The following ASS1 variants were observed in gnomAD, a reference collection of about 807,000 sequenced individuals.
ASS1 encodes the protein argininosuccinate synthase 1, also known as argininosuccinate synthase.
In ASS1, 58 loss-of-function variants were observed where a neutral mutation model predicts 60.5. That is an observed-to-expected ratio of 0.96 (90% CI 0.78 to 1.19). The LOEUF is 1.19. ASS1 is among the 50% of genes most tolerant of loss of function. The pLI, the probability that ASS1 is intolerant of heterozygous loss-of-function variation, is 0.00. For synonymous variants in ASS1, 200 were observed against 206.9 expected (o/e 0.97, Z 0.29); for missense variants, 454 against 547.3 (o/e 0.83, Z 1.70).
At chr9:130,483,605 C>T (rs566946292) in intron 11 of ASS1, among the ~76,000 whole-genome samples, 18 of 151,838 alleles carry the variant, frequency 1.2e-4, no homozygotes, top group Non-Finnish European at 2.5e-4. Context: ...CGAGGGAGGC[C>T]GGGAAGGAGC....
At chr9:130,454,153 C>A in intron 2 of ASS1, 152 bp from the exon 3 acceptor site, 1 of 809,548 alleles carries the variant, frequency 1.2e-6, no homozygotes, top group Non-Finnish European at 2.1e-6. Flanking sequence ...CTCTCCAGGC[C>A]TTGGGCTTTG....
intron 11 of ASS1, among the ~76,000 whole-genome samples, chr9:130,484,722 T>C (rs1244773485): frequency 6.6e-6 from 1 of 151,884 alleles, no homozygotes; most frequent in Non-Finnish European, 1.5e-5. Flanking sequence ...TGTCACTGTT[T>C]TTTTTTTCCA....
At chr9:130,487,758 T>A (rs1588502337) in intron 11 of ASS1, among the ~76,000 whole-genome samples, 2 of 23,214 alleles carry the variant, frequency 8.6e-5, no homozygotes, top group Admixed American at 2.6e-3. Flanking sequence ...ATTTCCTTCC[T>A]TTTTTTTTTT....
intron 2 of ASS1, 100 bp downstream of exon 2, chr9:130,452,433 C>A: frequency 9.7e-7 from 1 of 1,034,004 alleles, no homozygotes; most frequent in Non-Finnish European, 1.5e-6. Flanking sequence ...TGTCTGCTCA[C>A]CGTCACTCAT....
chr9:130,501,084 ATTG>A lies in ASS1; in HGVS notation c.*68_*70del, dbSNP rs550067703. 1.1e-4 allele frequency: 173 copies of A among 1,515,322 alleles called. No homozygotes were observed. The South Asian group carries it at 1.7e-3, about 15-fold the overall frequency. The allele number at this position is 1,515,322 out of a possible 1,614,324, so 93.9% of individuals were successfully genotyped here. ...GCAGATCCCCCAAGTACAGGCGCTAATTGTTGTGATAATTTGTAATTGTGACTT... is the reference window on the plus strand; with the variant it reads ...GCAGATCCCCCAAGTACAGGCGCTAATTGTGATAATTTGTAATTGTGACTT... On this transcript the variant is annotated 3_prime_UTR_variant, in exon 15 of 15. Coordinates refer to ENST00000352480, the MANE Select transcript of ASS1 (RefSeq NM_054012.4).
rs1846010646 is a variant in ASS1 at position 130,476,109 on chromosome 9, C to G, written c.598-762C>G. ...TGAGACAGCAGTTCCTGGATGTCAG[C>G]AGGTGAACAAGGACCCCAGGCACAG... On this transcript the variant is annotated intron_variant, in intron 8 of 14. Transcript: ENST00000352480. This position sits in a 1 kb window ranked among gnomAD's most constrained non-coding sequence, Gnocchi z 4.9. 6.6e-6 allele frequency among the ~76,000 whole-genome samples: 1 copy of G among 152,134 alleles called. No homozygotes were observed. The highest frequency in any genetic ancestry group is 6.5e-5 in the Admixed American group (1 of 15,286).
intron 12 of ASS1, among the ~76,000 whole-genome samples, chr9:130,490,135 C>T (rs1270973211): frequency 6.6e-6 from 1 of 152,224 alleles, no homozygotes; most frequent in South Asian, 2.1e-4. Context: ...CCCCGTTTTG[C>T]AGGTGAGGAG....
chr9:130,475,896 A>C (rs970530268), intron 8 of ASS1, among the ~76,000 whole-genome samples: 1 of 152,038 alleles, frequency 6.6e-6, no homozygotes, highest in Admixed American at 6.5e-5. Flanking sequence ...AGCTGGGACT[A>C]CAGGCGCATG....
chr9:130,474,906 A>T (rs1845977714), intron 8 of ASS1, among the ~76,000 whole-genome samples: 1 of 152,094 alleles, frequency 6.6e-6, no homozygotes, highest in Admixed American at 6.5e-5. Context: ...GGCCCCTCCT[A>T]CCTCCTGGAG....
In ASS1 at chr9:130,449,414, G is replaced by T. The variant is rs577421382; in HGVS notation, c.-5-2810G>T. Among the ~76,000 whole-genome samples the T allele has an allele frequency of 9.9e-5, 15 of 151,862 alleles. No homozygotes were observed. In the South Asian group the frequency reaches 3.1e-3, roughly 32 times the overall value. On this transcript the variant is annotated intron_variant, in intron 1 of 14. Coordinates refer to ENST00000352480, the MANE Select transcript of ASS1 (RefSeq NM_054012.4). The stretch of plus-strand genomic sequence containing the variant: ...CATGGCGGGTCACTGAGGCGATGCA[G>T]GTGATCCAGCTGTTTCTGTGGAGCT...
At position 130,474,458 on chromosome 9, in the gene ASS1, G is replaced by A. The variant is rs910468631; in HGVS notation, c.598-2413G>A. 3.3e-5 allele frequency among the ~76,000 whole-genome samples: 5 copies of A among 152,274 alleles called. No homozygotes were observed. The East Asian group carries it at 7.7e-4, about 24-fold the overall frequency. On this transcript the variant is annotated intron_variant, in intron 8 of 14. Coordinates refer to ENST00000352480, the MANE Select transcript of ASS1 (RefSeq NM_054012.4). Reference sequence around the variant, plus strand: ...CGCATTGAAAACAGTTGACAGTCGGGCCCAGCGCAGGTGGAGGTGGGAGAG... The same window carrying A: ...CGCATTGAAAACAGTTGACAGTCGGACCCAGCGCAGGTGGAGGTGGGAGAG...
intron 13 of ASS1, among the ~76,000 whole-genome samples, chr9:130,498,842 A>G (rs911747241): frequency 6.6e-6 from 1 of 152,116 alleles, no homozygotes; most frequent in Non-Finnish European, 1.5e-5. Context: ...GAGAGCCCCA[A>G]AGCAGAAGGC....
intron 10 of ASS1, 129 bp downstream of exon 10, chr9:130,479,929 A>T: frequency 9.1e-7 from 1 of 1,095,930 alleles, no homozygotes; most frequent in Non-Finnish European, 1.4e-6. Context: ...TCCCTTCCCC[A>T]TAGCCACAGA....
intron 11 of ASS1, among the ~76,000 whole-genome samples, chr9:130,485,824 G>C (rs1368129146): frequency 6.6e-6 from 1 of 152,150 alleles, no homozygotes; most frequent in Non-Finnish European, 1.5e-5. Flanking sequence ...AGGTTTCTAG[G>C]CTGATTGAAA....
Position 130,470,448 on chromosome 9 carries a change from C to T in ASS1, c.496-386C>T, listed in dbSNP as rs376347110. Among the ~76,000 whole-genome samples, 583 of 152,306 alleles carry T rather than the reference C, an allele frequency of 3.8e-3. 4 individuals are homozygous for T. Among genetic ancestry groups the T allele is most frequent in the African/African-American group, 0.011 (460 of 41,568 alleles). On this transcript the variant is annotated intron_variant, in intron 6 of 14. Transcript: ENST00000352480. The surrounding 1 kb of genome is among the most constrained non-coding windows in gnomAD (Gnocchi z 4.3). The stretch of plus-strand genomic sequence containing the variant: ...GCCTGGGCTCTGGTGCCAGGTGCCC[C>T]GGTCCACAGTGCGAGCGGGTTCACA...
chr9:130,491,037 C>G lies in ASS1; in HGVS notation c.970+1573C>G, dbSNP rs1052547961. The stretch of plus-strand genomic sequence containing the variant: ...AAGCTCTCCTCCCCTCGCCTCTCCC[C>G]CTCCACTCCCAGATTTTGTTTCCTT... On this transcript the variant is annotated intron_variant, in intron 12 of 14. Transcript: ENST00000352480. The surrounding 1 kb of genome is among the most constrained non-coding windows in gnomAD (Gnocchi z 5.3). Among the ~76,000 whole-genome samples the G allele has an allele frequency of 1.3e-5, 2 of 152,170 alleles. No homozygotes were observed. The highest frequency in any genetic ancestry group is 4.8e-5 in the African/African-American group (2 of 41,434).
rs903003504 is a variant in ASS1, at chr9:130,470,068, G to A, written c.496-766G>A. Among the ~76,000 whole-genome samples, 2 of 152,140 alleles carry A rather than the reference G, an allele frequency of 1.3e-5. No individual in the cohort carries two copies. The highest frequency in any genetic ancestry group is 6.5e-5 in the Admixed American group (1 of 15,280). On this transcript the variant is annotated intron_variant, in intron 6 of 14. Coordinates refer to ENST00000352480, the MANE Select transcript of ASS1 (RefSeq NM_054012.4). This position sits in a 1 kb window ranked among gnomAD's most constrained non-coding sequence, Gnocchi z 4.3. ...GGAGTGCACGAGCTGGATTCCAGTC[G>A]GGCGTCATCAAGGGTGGTGCGGGTC...
intron 1 of ASS1, among the ~76,000 whole-genome samples, chr9:130,447,306 C>G (rs1845217881): frequency 6.6e-6 from 1 of 152,268 alleles, no homozygotes; most frequent in Non-Finnish European, 1.5e-5. Context: ...GCCGCTTAGC[C>G]TCTGCCTCCT....
intron 13 of ASS1, among the ~76,000 whole-genome samples, chr9:130,498,907 C>G (rs897153779): frequency 6.6e-6 from 1 of 152,188 alleles, no homozygotes; most frequent in Non-Finnish European, 1.5e-5. Flanking sequence ...CTGCTGAGTA[C>G]AGCAGCAGTC....
Sources: gnomAD v4.1 joint callset for allele counts (sites outside exome capture counted in the v4.1 genomes callset) on GRCh38, gnomAD v4.1.1 for gene constraint, Gnocchi (gnomAD v3.1) non-coding constraint, MANE v1.5 for transcripts, NCBI Gene and HGNC (gene_info 2026-07-23, HGNC 2026-07-21) for gene names.